The following LRPPRC variants were observed in gnomAD, a reference collection of about 807,000 sequenced individuals.
LRPPRC encodes the protein leucine rich pentatricopeptide repeat containing.
A neutral mutation model predicts 180.3 loss-of-function variants in LRPPRC; 120 were observed. That is an observed-to-expected ratio of 0.67 (90% CI 0.57 to 0.77). The LOEUF is 0.77. Ranked by LOEUF, LRPPRC falls within the 30% of genes least tolerant of loss-of-function variation. The pLI, the probability that LRPPRC is intolerant of heterozygous loss-of-function variation, is 0.00. For synonymous variants in LRPPRC, 723 were observed against 600.0 expected, an observed-to-expected ratio of 1.21 and a Z score of -3.00; for missense variants, 2,012 against 1,657.2, an observed-to-expected ratio of 1.21 and a Z score of -3.72.
intron 27 of LRPPRC, among the ~76,000 whole-genome samples, chr2:43,924,685 G>GA (rs1406475985): frequency 6.6e-6 from 1 of 151,922 alleles, no homozygotes; most frequent in Non-Finnish European, 1.5e-5. Flanking sequence ...TTTGCAAAAA[G>GA]AAAAAAATCT....
intron 20 of LRPPRC, among the ~76,000 whole-genome samples, chr2:43,946,814 A>G (rs1249350808): frequency 1.3e-5 from 2 of 152,108 alleles, no homozygotes; most frequent in African/African-American, 4.8e-5. Flanking sequence ...CACAAAGTAC[A>G]GCTGGATGCC....
In LRPPRC at chr2:43,977,035, C is replaced by A; in HGVS notation, c.609G>T (p.Leu203Phe). The change falls in exon 5 of 38, where the codon TTG becomes TTT. Residue 203 changes from leucine (L) to phenylalanine (F), a missense_variant. Leu to Phe is a conservative substitution (Grantham distance 22). Transcript: ENST00000260665. ...CTCCTACATTACAATAAGAAGCAAT[C>A]AATCTCTGGTATGTCACCTGTCAAT... ...IQPNRVTYQR[L>F]IASYCNVGDI... 1 of 1,613,396 alleles carries A rather than the reference C, an allele frequency of 6.2e-7. No individual in the cohort carries two copies. Among genetic ancestry groups the A allele is most frequent in the South Asian group, 1.1e-5 (1 of 91,024 alleles).
chr2:43,978,232 G>T (rs1414949645), intron 3 of LRPPRC, among the ~76,000 whole-genome samples: 1 of 152,034 alleles, frequency 6.6e-6, no homozygotes, highest in African/African-American at 2.4e-5. Flanking sequence ...AAGATCTCTT[G>T]TATCTTTATA....
chr2:43,947,191 G>T, intron 20 of LRPPRC, 66 bp downstream of exon 20: 2 of 704,378 alleles, frequency 2.8e-6, no homozygotes, highest in Non-Finnish European at 4.9e-6. Context: ...TATTATATTT[G>T]GTTTTTCTTA....
chr2:43,931,169 G>A (rs898654334), intron 25 of LRPPRC, among the ~76,000 whole-genome samples: 4 of 152,116 alleles, frequency 2.6e-5, no homozygotes, highest in African/African-American at 9.7e-5. Flanking sequence ...CTTACTAAAT[G>A]CCTGTCATGT....
intron 24 of LRPPRC, 37 bp from the exon 25 acceptor site, chr2:43,934,333 A>C (rs1321094667): frequency 1.0e-6 from 1 of 991,590 alleles, no homozygotes; most frequent in East Asian, 2.4e-5. Context: ...TATTAGGAGA[A>C]AAAAAAACCC....
rs72877186 is a variant in LRPPRC, at chr2:43,948,227, A to C, written c.1843-28T>G. 0.16 allele frequency: 201,765 copies of C among 1,296,658 alleles called. 18,388 individuals are homozygous for C. Among genetic ancestry groups the C allele is most frequent in the African/African-American group, 0.35 (23,750 of 68,638 alleles). 80.3% of individuals were successfully genotyped at this position (1,296,658 alleles called of 1,614,324 possible). A position where few individuals can be genotyped will look rare whatever the true frequency, so the allele number is the denominator to read the frequency against. ...GTGAGAAGGGAAGGGAGGGGGGAAA[A>C]AACCTGAGTTTTAGACAACCAAACT... On this transcript the variant is annotated intron_variant, in intron 17 of 37. Coordinates refer to ENST00000260665, the MANE Select transcript of LRPPRC (RefSeq NM_133259.4).
chr2:43,945,061 C>G (rs923262067), intron 22 of LRPPRC, among the ~76,000 whole-genome samples: 3 of 152,056 alleles, frequency 2.0e-5, no homozygotes, highest in Admixed American at 2.0e-4. Flanking sequence ...AAGTCATGAT[C>G]TTCAAACTCA....
At chr2:43,992,923 G>GA (rs1674850675) in intron 1 of LRPPRC, among the ~76,000 whole-genome samples, 1 of 152,080 alleles carries the variant, frequency 6.6e-6, no homozygotes. Flanking sequence ...GTAATGCCCT[G>GA]AAAAATGGAA....
chr2:43,968,815 T>C (rs1559031116), intron 11 of LRPPRC, among the ~76,000 whole-genome samples: 2 of 152,206 alleles, frequency 1.3e-5, no homozygotes, highest in East Asian at 3.8e-4. Context: ...GTGGCTACTA[T>C]TAGTAATACT....
At chr2:43,952,849 C>T (rs1672957993) in intron 14 of LRPPRC, among the ~76,000 whole-genome samples, 1 of 152,164 alleles carries the variant, frequency 6.6e-6, no homozygotes, top group Non-Finnish European at 1.5e-5. Context: ...CCCTATCTGC[C>T]TTTACCTGTA....
In LRPPRC at chr2:43,894,898, C is replaced by T. The variant is rs1670625758; in HGVS notation, c.3901-269G>A. Among the ~76,000 whole-genome samples the T allele has an allele frequency of 2.0e-5, 3 of 152,124 alleles. No individual in the cohort carries two copies. The South Asian group carries it at 6.2e-4, about 32-fold the overall frequency. On this transcript the variant is annotated intron_variant, in intron 35 of 37. Transcript: ENST00000260665. ...CTAGAATATGATAAACACATTGCTT[C>T]TTTTGTCAAGTGGTGACCATACCAA... is the stretch of plus-strand genomic sequence containing the variant.
intron 27 of LRPPRC, among the ~76,000 whole-genome samples, chr2:43,923,718 T>C (rs1431550543): frequency 6.6e-6 from 1 of 151,968 alleles, no homozygotes; most frequent in African/African-American, 2.4e-5. Flanking sequence ...TTTTTTTTTT[T>C]CTGAATCCAA....
chr2:43,981,128 G>C (rs746278783), intron 2 of LRPPRC, among the ~76,000 whole-genome samples: 4 of 152,066 alleles, frequency 2.6e-5, no homozygotes, highest in Admixed American at 6.6e-5. Flanking sequence ...TGGGGGTCGG[G>C]GGCAGGGAGT....
At chr2:43,986,157 G>C (rs911103974) in intron 1 of LRPPRC, among the ~76,000 whole-genome samples, 1 of 152,092 alleles carries the variant, frequency 6.6e-6, no homozygotes, top group African/African-American at 2.4e-5. Flanking sequence ...TTGAGATGGA[G>C]TCTTGCTCTG....
intron 2 of LRPPRC, among the ~76,000 whole-genome samples, chr2:43,981,399 G>A (rs963539430): frequency 2.0e-5 from 3 of 152,158 alleles, no homozygotes; most frequent in African/African-American, 4.8e-5. Flanking sequence ...GGTGGCCCAC[G>A]TCTGTAATCC....
At chr2:43,928,023 G>GA in intron 25 of LRPPRC, among the ~76,000 whole-genome samples, 1 of 152,126 alleles carries the variant, frequency 6.6e-6, no homozygotes, top group East Asian at 1.9e-4. Flanking sequence ...AATATAACAT[G>GA]AAAAAACAGT....
intron 32 of LRPPRC, among the ~76,000 whole-genome samples, chr2:43,900,239 TTATTTAGCAAGTTATGG>T (rs1670837246): frequency 6.6e-6 from 1 of 152,310 alleles, no homozygotes; most frequent in East Asian, 1.9e-4. Context: ...TTACATGGTC[TTATTTAGCAAGTTATGG>T]TAAAAATTAT....
chr2:43,956,756 G>T (rs531095400), intron 14 of LRPPRC, among the ~76,000 whole-genome samples: 2 of 152,100 alleles, frequency 1.3e-5, no homozygotes, highest in Non-Finnish European at 2.9e-5. Context: ...CAGGCGTGGT[G>T]GTGGGCACCG....
Sources: allele counts gnomAD v4.1 joint callset (sites outside exome capture counted in the v4.1 genomes callset), GRCh38; gene constraint gnomAD v4.1.1; transcripts MANE v1.5; gene names NCBI Gene and HGNC (gene_info 2026-07-23, HGNC 2026-07-21).